ITK: variants seen among roughly 807,000 people sequenced by gnomAD.
ITK encodes IL2 inducible T cell kinase.
A neutral mutation model predicts 87.6 loss-of-function variants in ITK; 45 were observed. The ratio of observed to expected loss-of-function variants is 0.51; its 90% CI spans 0.40 to 0.66. The LOEUF is 0.66. Among genes scored for constraint, ITK ranks in the 30% least tolerant of loss-of-function variants. The pLI, the probability that ITK is intolerant of heterozygous loss-of-function variation, is 0.00. For missense variants in ITK, 605 were observed against 766.3 expected, an observed-to-expected ratio of 0.79 and a Z score of 2.48; for synonymous variants, 303 against 273.6, an observed-to-expected ratio of 1.11 and a Z score of -1.06.
At chr5:157,184,163 C>T (rs988836476) in intron 1 of ITK, among the ~76,000 whole-genome samples, 10 of 152,052 alleles carry the variant, frequency 6.6e-5, no homozygotes, top group South Asian at 6.2e-4. Context: ...CCAAGTTGTC[C>T]CTGATGCCTG....
rs1250718206 is a variant in ITK at position 157,228,334 on chromosome 5, A to C, written c.686A>C (p.Lys229Thr). The part of the protein sequence containing the change: ...GYVPSSYLVE[K>T]SPNNLETYEW... ...GTACCAAGCAGTTATCTGGTGGAAA[A>C]ATCTCCAAATAATCTGGAAACCTAT... The change falls in exon 7 of 17, where the codon AAA (lysine) becomes ACA (threonine). Residue 229 changes from lysine (K) to threonine (T), a missense_variant. Around this residue, in one of 3 missense-constraint regions of ITK, gnomAD observed 464 missense variants for 578.0 expected, o/e 0.80. Coordinates refer to ENST00000422843, the MANE Select transcript of ITK (RefSeq NM_005546.4). The C allele has an allele frequency of 6.2e-7, 1 of 1,605,354 alleles. No individual in the cohort carries two copies. Among genetic ancestry groups the C allele is most frequent in the East Asian group, 2.2e-5 (1 of 44,780 alleles).
chr5:157,195,624 T>C (rs1753837083), intron 1 of ITK: 1 of 152,236 alleles, frequency 6.6e-6, no homozygotes, highest in South Asian at 2.1e-4. Flanking sequence ...CCACGATAGT[T>C]AATTTCTTAT....
At chr5:157,246,076 C>G (rs1230977020) in intron 15 of ITK, 77 bp downstream of exon 15, 2 of 999,740 alleles carry the variant, frequency 2.0e-6, no homozygotes, top group Non-Finnish European at 3.2e-6. Context: ...ATGCAGACAA[C>G]CCTACCCACA....
chr5:157,183,401 G>A (rs1753578013), intron 1 of ITK, among the ~76,000 whole-genome samples: 1 of 152,146 alleles, frequency 6.6e-6, no homozygotes, highest in African/African-American at 2.4e-5. Flanking sequence ...AAGACTCAGA[G>A]GTATAATGTC....
chr5:157,249,240 A>G (rs562432428), intron 16 of ITK, among the ~76,000 whole-genome samples: 3 of 152,266 alleles, frequency 2.0e-5, no homozygotes, highest in African/African-American at 4.8e-5. Flanking sequence ...AGCTATAAGC[A>G]TAGCTTCAGA....
intron 8 of ITK, among the ~76,000 whole-genome samples, chr5:157,237,461 G>C (rs932473517): frequency 1.2e-4 from 18 of 152,188 alleles, no homozygotes; most frequent in African/African-American, 4.3e-4. Context: ...GGGTTCAATA[G>C]AAACCCAAAT....
intron 5 of ITK, among the ~76,000 whole-genome samples, chr5:157,218,439 C>T (rs1754343008): frequency 1.3e-5 from 2 of 148,326 alleles, no homozygotes; most frequent in African/African-American, 5.0e-5. Flanking sequence ...CCCAGGAGGT[C>T]GAGACTGCAG....
chr5:157,194,546 T>A (rs1580876927), intron 1 of ITK, among the ~76,000 whole-genome samples: 2 of 152,100 alleles, frequency 1.3e-5, no homozygotes, highest in African/African-American at 4.8e-5. Flanking sequence ...GAAAGGGAGT[T>A]TGAGGGAGCT....
Position 157,252,884 on chromosome 5 carries a change from G to C in ITK, c.*206G>C, listed in dbSNP as rs1755171259. The C allele has an allele frequency of 1.1e-5, 7 of 618,312 alleles. No individual in the cohort carries two copies. The East Asian group carries it at 2.0e-4, about 18-fold the overall frequency. The allele number at this position is 618,312 out of a possible 1,614,324, so 38.3% of individuals were successfully genotyped here. A position where few individuals can be genotyped will look rare whatever the true frequency, so the allele number is the denominator to read the frequency against. On this transcript the variant is annotated 3_prime_UTR_variant, in exon 17 of 17. Transcript: ENST00000422843. ...CAGCTGGAGGGTCAGCCACCAAGCT[G>C]GGAGCTGAGCCAGAACAGGAGTGAT... is the stretch of plus-strand genomic sequence containing the variant.
chr5:157,236,945 A>G (rs1005516175), intron 8 of ITK, among the ~76,000 whole-genome samples: 3 of 152,194 alleles, frequency 2.0e-5, no homozygotes, highest in Admixed American at 6.5e-5. Flanking sequence ...CATTAAGAGA[A>G]TCCTTATACA....
chr5:157,236,509 T>A (rs182566611), intron 8 of ITK, among the ~76,000 whole-genome samples: 83 of 152,252 alleles, frequency 5.5e-4, no homozygotes, highest in Non-Finnish European at 8.5e-4. Flanking sequence ...GAAGGATTTG[T>A]GTTGTTGTAG....
Position 157,180,974 on chromosome 5 carries a change from G to T in ITK, c.-4G>T. ...AAGGTGCACCACCTTTCAAGAACTG[G>T]ATCATGAACAACTTTATCCTCCTGG... On this transcript the variant is annotated 5_prime_UTR_variant, in exon 1 of 17. Coordinates refer to ENST00000422843, the MANE Select transcript of ITK (RefSeq NM_005546.4). 3 of 1,613,798 alleles carry T rather than the reference G, an allele frequency of 1.9e-6. No individual in the cohort carries two copies. The highest frequency in any genetic ancestry group is 1.7e-6 in the Non-Finnish European group (2 of 1,179,786).
chr5:157,245,958 C>T lies in ITK; in HGVS notation c.1592C>T (p.Ser531Phe), dbSNP rs1446693055. 5.0e-6 allele frequency: 8 copies of T among 1,614,134 alleles called. No homozygotes were observed. The highest frequency in any genetic ancestry group is 6.8e-6 in the Non-Finnish European group (8 of 1,179,982). ...PVKWASPEVF[S>F]FSRYSSKSDV... ...AAGTGGGCATCCCCAGAGGTTTTCT[C>T]TTTCAGTCGCTATAGCAGCAAGTCC... The change falls in exon 15 of 17, where the codon TCT becomes TTT. Residue 531 changes from serine (S) to phenylalanine (F), a missense_variant. Coordinates refer to ENST00000422843, the MANE Select transcript of ITK (RefSeq NM_005546.4).
chr5:157,206,212 C>T (rs1754077410), intron 1 of ITK, among the ~76,000 whole-genome samples: 1 of 152,132 alleles, frequency 6.6e-6, no homozygotes. Context: ...TCCTCAGCCT[C>T]CCAAAGTGCT....
chr5:157,238,280 C>A, intron 9 of ITK, 89 bp downstream of exon 9: 1 of 988,790 alleles, frequency 1.0e-6, no homozygotes, highest in Non-Finnish European at 1.6e-6. Context: ...TTAGACAGTG[C>A]AAGAGGTAGA....
At chr5:157,200,179 T>C (rs570848341) in intron 1 of ITK, among the ~76,000 whole-genome samples, 73 of 152,256 alleles carry the variant, frequency 4.8e-4, no homozygotes, top group Admixed American at 4.8e-3. Flanking sequence ...AAGCTTACCC[T>C]TGTGAAGATT....
At chr5:157,244,682 C>G (rs1754986419) in intron 13 of ITK, among the ~76,000 whole-genome samples, 1 of 152,198 alleles carries the variant, frequency 6.6e-6, no homozygotes, top group Non-Finnish European at 1.5e-5. Flanking sequence ...CCAGCCCAAA[C>G]TCTTTCACCT....
chr5:157,228,949 A>G (rs1754591829), intron 7 of ITK, among the ~76,000 whole-genome samples: 1 of 152,316 alleles, frequency 6.6e-6, no homozygotes, highest in African/African-American at 2.4e-5. Context: ...GGCGTGTCAG[A>G]TGAGCACAGA....
At position 157,244,311 on chromosome 5, in the gene ITK, C is replaced by T; in HGVS notation, c.1282C>T (p.Gln428Ter). Residue 428 changes from glutamine to a stop codon, truncating the protein, a stop_gained, in exon 13 of 17, where the codon CAG becomes TAG. Transcript: ENST00000422843. LOFTEE classifies it high-confidence loss of function. The stretch of plus-strand genomic sequence containing the variant: ...GCAGCTGTATGGGGTGTGCCTGGAG[C>T]AGGCCCCCATCTGCCTGGTGTTTGA... ...LVQLYGVCLE[Q>*]APICLVFEFM... is the part of the protein sequence containing the mutation. 6.2e-7 allele frequency: 1 copy of T among 1,614,174 alleles called. No homozygotes were observed. Among genetic ancestry groups the T allele is most frequent in the Non-Finnish European group, 8.5e-7 (1 of 1,180,024 alleles).
Sources: allele counts gnomAD v4.1 joint callset (sites outside exome capture counted in the v4.1 genomes callset), GRCh38; gene constraint gnomAD v4.1.1; regional missense constraint gnomAD v4.1.1; transcripts MANE v1.5; gene names NCBI Gene and HGNC (gene_info 2026-07-23, HGNC 2026-07-21).